The following DENND1B variants were observed in gnomAD, a reference collection of about 807,000 sequenced individuals.
DENND1B encodes the protein DENN domain-containing protein 1B.
A neutral mutation model predicts 90.1 loss-of-function variants in DENND1B; 59 were observed. That is an observed-to-expected ratio of 0.65 (90% CI 0.53 to 0.81). DENND1B has a LOEUF of 0.81. Among genes scored for constraint, DENND1B ranks in the 40% least tolerant of loss-of-function variants. The pLI is 0.00. For synonymous variants in DENND1B, 337 were observed against 324.6 expected, an observed-to-expected ratio of 1.04 and a Z score of -0.41; for missense variants, 862 against 912.6, an observed-to-expected ratio of 0.94 and a Z score of 0.71.
intron 10 of DENND1B, among the ~76,000 whole-genome samples, chr1:197,625,479 C>T (rs1373048886): frequency 6.6e-6 from 1 of 152,050 alleles, no homozygotes; most frequent in African/African-American, 2.4e-5. Context: ...GATTTCGCCA[C>T]CACCAGGCCT....
chr1:197,690,510 G>T, intron 3 of DENND1B: 1 of 176,754 alleles, frequency 5.7e-6, no homozygotes, highest in South Asian at 1.2e-4. Flanking sequence ...TCTCCCTCTT[G>T]GTCATTTTAC....
intron 4 of DENND1B, 105 bp from the exon 5 acceptor site, chr1:197,672,261 TA>T: frequency 7.5e-7 from 1 of 1,329,674 alleles, no homozygotes; most frequent in Non-Finnish European, 1.0e-6. Flanking sequence ...TTCATCTTTC[TA>T]ATCAGTTGGT....
intron 20 of DENND1B, among the ~76,000 whole-genome samples, chr1:197,529,236 ATATATATGTG>A (rs1393577912): frequency 0.011 from 111 of 10,134 alleles, no homozygotes; most frequent in African/African-American, 0.021. Flanking sequence ...ATATATATAT[ATATATATGTG>A]TGTGTGTGTG....
At chr1:197,594,048 CATGTGAG>C (rs1350600841) in intron 14 of DENND1B, among the ~76,000 whole-genome samples, 1 of 152,070 alleles carries the variant, frequency 6.6e-6, no homozygotes, top group African/African-American at 2.4e-5. Context: ...AAGACTCCCC[CATGTGAG>C]ATATGTATAC....
At position 197,642,302 on chromosome 1, in the gene DENND1B, G is replaced by C. The variant is rs1680333628; in HGVS notation, c.672+409C>G. Among the ~76,000 whole-genome samples, 3 of 152,204 alleles carry C rather than the reference G, an allele frequency of 2.0e-5. No individual in the cohort carries two copies. In the South Asian group the frequency reaches 6.2e-4, roughly 32 times the overall value. On this transcript the variant is annotated intron_variant, in intron 10 of 22. Coordinates refer to ENST00000620048, the MANE Select transcript of DENND1B (RefSeq NM_001195215.2). Reference sequence around the variant, plus strand: ...CAAACCACTACTTGGCAACAAAGATGAATCTACCTATTACCAGGTTAGGAT... The same window carrying C: ...CAAACCACTACTTGGCAACAAAGATCAATCTACCTATTACCAGGTTAGGAT...
chr1:197,571,549 C>A (rs536585564), intron 15 of DENND1B, among the ~76,000 whole-genome samples: 1 of 152,276 alleles, frequency 6.6e-6, no homozygotes, highest in East Asian at 1.9e-4. Context: ...CTTTTCTAGT[C>A]ACTCAATCTA....
intron 3 of DENND1B, among the ~76,000 whole-genome samples, chr1:197,713,801 TTATAATATATTATA>T (rs1469792150): frequency 1.2e-4 from 4 of 32,602 alleles, no homozygotes; most frequent in Non-Finnish European, 1.7e-4. Context: ...TATTATTATA[TTATAATATATTATA>T]TATAATATAT....
At chr1:197,741,323 A>T (rs1249011699) in intron 2 of DENND1B, among the ~76,000 whole-genome samples, 1 of 152,186 alleles carries the variant, frequency 6.6e-6, no homozygotes, top group Non-Finnish European at 1.5e-5. Flanking sequence ...CCAACTAAGG[A>T]TGTATTACCC....
At chr1:197,607,264 G>T in intron 12 of DENND1B, 90 bp from the exon 13 acceptor site, 2 of 821,368 alleles carry the variant, frequency 2.4e-6, no homozygotes, top group Non-Finnish European at 3.5e-6. Flanking sequence ...TTATCTTAAT[G>T]CATTAGGCTT....
At chr1:197,631,486 C>A (rs1242797840) in intron 10 of DENND1B, among the ~76,000 whole-genome samples, 1 of 151,900 alleles carries the variant, frequency 6.6e-6, no homozygotes, top group Non-Finnish European at 1.5e-5. Flanking sequence ...ACCATATATT[C>A]AGACAATATT....
chr1:197,681,886 T>C (rs530093050), intron 3 of DENND1B, among the ~76,000 whole-genome samples: 1 of 152,292 alleles, frequency 6.6e-6, no homozygotes, highest in South Asian at 2.1e-4. Context: ...AGAAAACTGA[T>C]TTTTGTGCAA....
intron 16 of DENND1B, among the ~76,000 whole-genome samples, chr1:197,549,509 T>C (rs1457478463): frequency 6.6e-6 from 1 of 152,078 alleles, no homozygotes; most frequent in Non-Finnish European, 1.5e-5. Context: ...TGAAAATATT[T>C]CTCCTGTTTA....
At chr1:197,603,587 A>G (rs1676401752) in intron 13 of DENND1B, among the ~76,000 whole-genome samples, 1 of 151,262 alleles carries the variant, frequency 6.6e-6, no homozygotes, top group Non-Finnish European at 1.5e-5. Context: ...ACCTTTTCAG[A>G]TGTCAATTCT....
At chr1:197,656,986 T>G (rs999410944) in intron 6 of DENND1B, among the ~76,000 whole-genome samples, 2 of 152,076 alleles carry the variant, frequency 1.3e-5, no homozygotes, top group Non-Finnish European at 2.9e-5. Flanking sequence ...TGAAGAAAGC[T>G]TTGAAAGACT....
rs191916114 is a variant in DENND1B, at chr1:197,575,623, A to G, written c.1149+7529T>C. ...TTATAAATTATGCTACCATAAAGAC[A>G]TATGCACATGTATGTTTATTGCGGC... On this transcript the variant is annotated intron_variant, in intron 15 of 22. Transcript: ENST00000620048. Among the ~76,000 whole-genome samples the G allele has an allele frequency of 2.0e-5, 3 of 152,376 alleles. No individual in the cohort carries two copies. In the East Asian group the frequency reaches 5.8e-4, roughly 29 times the overall value.
chr1:197,569,560 G>GTC (rs1672971839), intron 15 of DENND1B, among the ~76,000 whole-genome samples: 1 of 44,178 alleles, frequency 2.3e-5, no homozygotes, highest in Admixed American at 3.6e-4. Context: ...AGAAAATGTG[G>GTC]TATACACACA....
intron 2 of DENND1B, among the ~76,000 whole-genome samples, chr1:197,739,031 C>T (rs958124761): frequency 2.0e-5 from 3 of 152,150 alleles, no homozygotes; most frequent in African/African-American, 7.2e-5. Context: ...AGGTTCACCA[C>T]CAACCCACCC....
At chr1:197,635,071 T>G (rs1425919641) in intron 10 of DENND1B, among the ~76,000 whole-genome samples, 1 of 152,032 alleles carries the variant, frequency 6.6e-6, no homozygotes, top group Non-Finnish European at 1.5e-5. Flanking sequence ...AGCACCTAAC[T>G]TGGAAACTTC....
rs17641524 is a variant in DENND1B at position 197,735,587 on chromosome 1, C to G, written c.83-20513G>C. ...TTTATGAATTCTAAAGGGTATTACT[C>G]GAAAATACAGGTTGGGGCCATCTTT... On this transcript the variant is annotated intron_variant, in intron 2 of 22. Coordinates refer to ENST00000620048, the MANE Select transcript of DENND1B (RefSeq NM_001195215.2). 1 of 1,613,862 alleles carries G rather than the reference C, an allele frequency of 6.2e-7. No homozygotes were observed. Among genetic ancestry groups the G allele is most frequent in the Non-Finnish European group, 8.5e-7 (1 of 1,179,908 alleles).
Sources: allele counts gnomAD v4.1 joint callset (sites outside exome capture counted in the v4.1 genomes callset), GRCh38; gene constraint gnomAD v4.1.1; transcripts MANE v1.5; gene names NCBI Gene and HGNC (gene_info 2026-07-23, HGNC 2026-07-21).